GNG4: variants seen among roughly 807,000 people sequenced by gnomAD.
GNG4 encodes G protein subunit gamma 4.
GNG4 carries 4 observed loss-of-function variants against 5.8 expected under a neutral mutation model. The observed-to-expected ratio is 0.69, with a 90% confidence interval of 0.34 to 1.57. The LOEUF is 1.57. Among genes scored for constraint, GNG4 ranks in the 40% most tolerant of loss-of-function variants. GNG4 has a pLI of 0.06. For synonymous variants in GNG4, 29 were observed against 32.9 expected (o/e 0.88, Z 0.41); for missense variants, 96 against 95.1 (o/e 1.01, Z -0.04).
At chr1:235,587,238 A>AG (rs58765941) in intron 2 of GNG4, among the ~76,000 whole-genome samples, 8 of 115,758 alleles carry the variant, frequency 6.9e-5, no homozygotes, top group African/African-American at 1.2e-4. Flanking sequence ...TGAGTGTGTG[A>AG]GGTGGGGTGT....
chr1:235,572,576 A>C (rs932532641), intron 3 of GNG4, among the ~76,000 whole-genome samples: 14 of 147,028 alleles, frequency 9.5e-5, no homozygotes, highest in African/African-American at 3.0e-4. Flanking sequence ...TTCTCAGCTC[A>C]CTGCAACCTC....
intron 1 of GNG4, among the ~76,000 whole-genome samples, chr1:235,612,219 C>G (rs1253352677): frequency 6.6e-6 from 1 of 152,172 alleles, no homozygotes; most frequent in Non-Finnish European, 1.5e-5. Flanking sequence ...TTCAGACTCA[C>G]AAGACGATGA....
chr1:235,619,691 T>C (rs1688667992), intron 1 of GNG4, among the ~76,000 whole-genome samples: 1 of 152,238 alleles, frequency 6.6e-6, no homozygotes, highest in African/African-American at 2.4e-5. Context: ...ATTATCTTTA[T>C]TATTGTTATA....
At chr1:235,582,636 G>C (rs1043218093) in intron 3 of GNG4, among the ~76,000 whole-genome samples, 1 of 152,178 alleles carries the variant, frequency 6.6e-6, no homozygotes, top group Non-Finnish European at 1.5e-5. Context: ...CTGTGTCTTA[G>C]AATTGTTTTC....
rs748180158 is a variant in GNG4 at position 235,620,288 on chromosome 1, CG to C, written c.-122-24778del. Among the ~76,000 whole-genome samples, 61 of 151,984 alleles carry C rather than the reference CG, an allele frequency of 4.0e-4. 1 individual carries two copies. The highest frequency in any genetic ancestry group is 1.6e-4 in the Non-Finnish European group (11 of 67,992). On this transcript the variant is annotated intron_variant, in intron 1 of 3. Transcript: ENST00000391854. ...GCTGAGGCAGAAGAATTGCTTGAACCGGGGAGGTGGAGGTTGCGGTGAGCCG... is the reference window on the plus strand; with the variant it reads ...GCTGAGGCAGAAGAATTGCTTGAACCGGGAGGTGGAGGTTGCGGTGAGCCG...
intron 2 of GNG4, among the ~76,000 whole-genome samples, chr1:235,585,242 T>G (rs1687731071): frequency 6.6e-6 from 1 of 151,560 alleles, no homozygotes; most frequent in African/African-American, 2.4e-5. Context: ...CCTTCCCTTC[T>G]TCCTTCCTTC....
intron 3 of GNG4, among the ~76,000 whole-genome samples, chr1:235,552,570 T>C (rs1164057941): frequency 1.3e-5 from 2 of 152,146 alleles, no homozygotes; most frequent in African/African-American, 2.4e-5. Context: ...ATGACTTTGC[T>C]AAACCGTTTC....
chr1:235,611,086 T>C (rs1412305131), intron 1 of GNG4, among the ~76,000 whole-genome samples: 1 of 151,436 alleles, frequency 6.6e-6, no homozygotes, highest in Non-Finnish European at 1.5e-5. Flanking sequence ...AGACTTCATC[T>C]CAAAGAAAAA....
chr1:235,615,161 T>C (rs188417600), intron 1 of GNG4: 1 of 152,128 alleles, frequency 6.6e-6, no homozygotes, highest in Non-Finnish European at 1.5e-5. Context: ...ACCATTATCA[T>C]GGATTATCCT....
intron 1 of GNG4, among the ~76,000 whole-genome samples, chr1:235,606,132 TAAAC>T (rs1366614790): frequency 1.3e-5 from 2 of 151,540 alleles, no homozygotes; most frequent in Non-Finnish European, 2.9e-5. Flanking sequence ...GTGAACAAGA[TAAAC>T]AAGCAGACCG....
At chr1:235,636,834 TC>T (rs1689048663) in intron 1 of GNG4, among the ~76,000 whole-genome samples, 1 of 152,014 alleles carries the variant, frequency 6.6e-6, no homozygotes, top group Non-Finnish European at 1.5e-5. Flanking sequence ...TCTAGGTCTT[TC>T]CCTGCTACCC....
At chr1:235,637,815 A>C (rs1376863191) in intron 1 of GNG4, among the ~76,000 whole-genome samples, 3 of 152,188 alleles carry the variant, frequency 2.0e-5, no homozygotes, top group Non-Finnish European at 4.4e-5. Context: ...AAACCATCTG[A>C]TAATGGAGAG....
At chr1:235,594,882 C>G (rs1277982720) in intron 2 of GNG4, among the ~76,000 whole-genome samples, 1 of 152,206 alleles carries the variant, frequency 6.6e-6, no homozygotes, top group African/African-American at 2.4e-5. Context: ...AGTGGGAGCC[C>G]AGGCAGAGGA....
rs1427502336 is a variant in GNG4 at position 235,649,746 on chromosome 1, G to C, written c.-207C>G. ...GCCGAGCGGCATCGCTCCGCATCGGGGCGCGGGCCGGGCTCGGGTGCAAAC... is the reference window on the plus strand; with the variant it reads ...GCCGAGCGGCATCGCTCCGCATCGGCGCGCGGGCCGGGCTCGGGTGCAAAC... On this transcript the variant is annotated 5_prime_UTR_variant, in exon 1 of 4. Coordinates refer to ENST00000391854, the MANE Select transcript of GNG4 (RefSeq NM_001098722.2). The surrounding 1 kb of genome is among the most constrained non-coding windows in gnomAD (Gnocchi z 5.7). The C allele has an allele frequency of 6.6e-6, 1 of 151,086 alleles. No individual in the cohort carries two copies. The highest frequency in any genetic ancestry group is 1.5e-5 in the Non-Finnish European group (1 of 67,676). The allele number at this position is 151,086 out of a possible 1,614,324, so 9.4% of individuals were successfully genotyped here. A position where few individuals can be genotyped will look rare whatever the true frequency, so the allele number is the denominator to read the frequency against.
chr1:235,647,441 G>T (rs1291924478), intron 1 of GNG4, among the ~76,000 whole-genome samples: 1 of 77,284 alleles, frequency 1.3e-5, no homozygotes, highest in African/African-American at 6.5e-5. Context: ...AAATGTGATA[G>T]TGAAATAAGT....
rs10545643 is a variant in GNG4 at position 235,548,630 on chromosome 1, TGA to T, written c.*3477_*3478del. On this transcript the variant is annotated 3_prime_UTR_variant, in exon 4 of 4. Transcript: ENST00000391854. ...TATGGGGCTGGAAGCGGGGTGTGCC[TGA>T]GAGACAGGAAATACTTCCCTTCTTC... is the stretch of plus-strand genomic sequence containing the variant. The T allele has an allele frequency of 0.56, 85,247 of 152,008 alleles. 24,605 individuals are homozygous for T. Among genetic ancestry groups the T allele is most frequent in the East Asian group, 0.83 (4,285 of 5,168 alleles). The allele number at this position is 152,008 out of a possible 1,614,324, so 9.4% of individuals were successfully genotyped here.
At chr1:235,614,790 A>C (rs905083899) in intron 1 of GNG4, 8 of 152,302 alleles carry the variant, frequency 5.3e-5, no homozygotes, top group African/African-American at 1.9e-4. Flanking sequence ...GCACGCTGTC[A>C]GTGCTACCTC....
intron 3 of GNG4, among the ~76,000 whole-genome samples, chr1:235,557,921 T>G (rs1686960658): frequency 6.6e-6 from 1 of 152,218 alleles, no homozygotes; most frequent in Non-Finnish European, 1.5e-5. Flanking sequence ...TTGCCAGGTC[T>G]AAGCAGGTCT....
At chr1:235,588,312 A>T (rs1212518695) in intron 2 of GNG4, among the ~76,000 whole-genome samples, 2 of 150,806 alleles carry the variant, frequency 1.3e-5, no homozygotes, top group African/African-American at 4.9e-5. Context: ...ATGTGCGTCC[A>T]CTCTCCAGCC....
Sources: gnomAD v4.1 joint callset for allele counts (sites outside exome capture counted in the v4.1 genomes callset) on GRCh38, gnomAD v4.1.1 for gene constraint, Gnocchi (gnomAD v3.1) non-coding constraint, MANE v1.5 for transcripts, NCBI Gene and HGNC (gene_info 2026-07-23, HGNC 2026-07-21) for gene names.